PTPN13: variants seen among roughly 807,000 people sequenced by gnomAD.
The protein encoded by PTPN13 is protein tyrosine phosphatase non-receptor type 13.
Under a neutral mutation model 284.0 loss-of-function variants are expected in PTPN13, and 191 were observed. The ratio of observed to expected loss-of-function variants is 0.67; its 90% CI spans 0.60 to 0.76. The LOEUF is 0.76. Ranked by LOEUF, PTPN13 falls within the 30% of genes least tolerant of loss-of-function variation. The pLI is 0.00. For synonymous variants in PTPN13, 986 were observed against 1,022.3 expected (o/e 0.96, Z 0.68); for missense variants, 2,797 against 2,939.9 (o/e 0.95, Z 1.12).
At chr4:86,662,204 C>G (rs1726575965) in intron 2 of PTPN13, among the ~76,000 whole-genome samples, 1 of 152,136 alleles carries the variant, frequency 6.6e-6, no homozygotes. Flanking sequence ...ATTGCTTTGA[C>G]AAAATTGTTA....
At chr4:86,633,688 G>A (rs1233304591) in intron 1 of PTPN13, among the ~76,000 whole-genome samples, 2 of 152,054 alleles carry the variant, frequency 1.3e-5, no homozygotes, top group African/African-American at 4.8e-5. Context: ...AAGTCATGTT[G>A]GTATCTGATT....
In PTPN13 at chr4:86,750,597, A is replaced by T. The variant is rs10516781; in HGVS notation, c.2778A>T (p.Ser926=). The change falls in exon 18 of 48, where the codon TCA becomes TCT. Residue 926 remains serine, a synonymous_variant. Transcript: ENST00000411767. ...ACAAACTTGCTGTTCGACCTTTATC[A>T]GTTCAAGCTGAGATTCTGAAGAGGC... ...TLNKLAVRPL[S]VQAEILKRLS... 1.2e-6 allele frequency: 2 copies of T among 1,613,928 alleles called. No homozygotes were observed. The highest frequency in any genetic ancestry group is 1.7e-6 in the Non-Finnish European group (2 of 1,179,884).
intron 23 of PTPN13, among the ~76,000 whole-genome samples, chr4:86,762,098 G>C (rs565779054): frequency 6.6e-6 from 1 of 152,064 alleles, no homozygotes; most frequent in Non-Finnish European, 1.5e-5. Flanking sequence ...TCAGCCTCCC[G>C]AGCAGCTGGG....
Position 86,803,698 on chromosome 4 carries a change from C to G in PTPN13, c.6506-11C>G. On this transcript the variant is annotated splice_polypyrimidine_tract_variant and intron_variant, in intron 42 of 47. Transcript: ENST00000411767. ...GGAGGAACTGTTTTTAAATTGCTGT[C>G]TTCCTATTAGATCATTCCTTTCTGA... The G allele has an allele frequency of 6.2e-7, 1 of 1,612,738 alleles. No homozygotes were observed. Among genetic ancestry groups the G allele is most frequent in the Non-Finnish European group, 8.5e-7 (1 of 1,179,026 alleles).
chr4:86,729,265 C>G (rs1265015742), intron 10 of PTPN13, among the ~76,000 whole-genome samples: 4 of 149,318 alleles, frequency 2.7e-5, no homozygotes, highest in African/African-American at 9.8e-5. Flanking sequence ...CTCTGGCTGC[C>G]CTTACCATTT....
rs1578274014 is a variant in PTPN13 at position 86,623,908 on chromosome 4, T to C, written c.-5-11344T>C. On this transcript the variant is annotated intron_variant, in intron 1 of 47. Coordinates refer to ENST00000411767, the MANE Select transcript of PTPN13 (RefSeq NM_080683.3). ...TCACATTTATTACCATACGATATTCTAGTTATTGTACTTATTTATTGTCTG... is the reference window on the plus strand; with the variant it reads ...TCACATTTATTACCATACGATATTCCAGTTATTGTACTTATTTATTGTCTG... Among the ~76,000 whole-genome samples, 3 of 152,302 alleles carry C rather than the reference T, an allele frequency of 2.0e-5. No individual in the cohort carries two copies. The South Asian group carries it at 6.2e-4, about 32-fold the overall frequency.
At chr4:86,599,027 C>T (rs909993221) in intron 1 of PTPN13, among the ~76,000 whole-genome samples, 2 of 152,156 alleles carry the variant, frequency 1.3e-5, no homozygotes, top group South Asian at 4.1e-4. Context: ...TCCCAAAGCA[C>T]GGGGATTACA....
intron 35 of PTPN13, 76 bp downstream of exon 35, chr4:86,775,728 GAA>G: frequency 8.9e-7 from 1 of 1,129,230 alleles, no homozygotes; most frequent in Non-Finnish European, 1.3e-6. Flanking sequence ...TTCATTCTCT[GAA>G]AATATATTAC....
At chr4:86,780,532 T>C (rs1741183965) in intron 36 of PTPN13, 60 bp downstream of exon 36, 1 of 1,144,034 alleles carries the variant, frequency 8.7e-7, no homozygotes, top group Non-Finnish European at 1.3e-6. Flanking sequence ...AAATGGCACA[T>C]CCATTTTGGA....
chr4:86,738,216 G>A (rs1342023604), intron 15 of PTPN13, among the ~76,000 whole-genome samples: 2 of 151,946 alleles, frequency 1.3e-5, no homozygotes, highest in South Asian at 2.1e-4. Context: ...TATTTCTCCT[G>A]AGTAAATATC....
chr4:86,688,177 G>A (rs1425020899), intron 4 of PTPN13, among the ~76,000 whole-genome samples: 1 of 152,104 alleles, frequency 6.6e-6, no homozygotes, highest in South Asian at 2.1e-4. Context: ...CCTAAAGGAT[G>A]ATATATTAAT....
chr4:86,628,601 A>G lies in PTPN13; in HGVS notation c.-5-6651A>G, dbSNP rs541177199. On this transcript the variant is annotated intron_variant, in intron 1 of 47. Transcript: ENST00000411767. ...TGTGCCATGCTGGTGCGCTGCACCCACTAACGTGTCATCTAGCATTAGGTA... is the reference window on the plus strand; with the variant it reads ...TGTGCCATGCTGGTGCGCTGCACCCGCTAACGTGTCATCTAGCATTAGGTA... 1.7e-4 allele frequency among the ~76,000 whole-genome samples: 23 copies of G among 132,668 alleles called. 2 individuals carry two copies. The East Asian group carries it at 2.8e-3, about 16-fold the overall frequency. 87.0% of individuals were successfully genotyped at this position (132,668 alleles called of 152,430 possible).
intron 7 of PTPN13, among the ~76,000 whole-genome samples, chr4:86,706,273 C>G (rs1465257460): frequency 1.3e-5 from 2 of 152,210 alleles, no homozygotes; most frequent in Admixed American, 1.3e-4. Flanking sequence ...TTCTTCCACT[C>G]TGCTGTCCTG....
rs767090024 is a variant in PTPN13, at chr4:86,771,386, G to A, written c.5019G>A (p.Ser1673=). 1.7e-5 allele frequency: 26 copies of A among 1,570,522 alleles called. No homozygotes were observed. The African/African-American group carries it at 2.4e-4, about 15-fold the overall frequency. The part of the protein sequence containing the change: ...LVTAPANISN[S]TWSSALHQTL... The stretch of plus-strand genomic sequence containing the variant: ...CAGCTCCAGCAAACATATCAAATTC[G>A]ACCTGGAGTTCAGCTTTGCATCAGA... The change falls in exon 31 of 48, where the codon TCG becomes TCA. Residue 1673 remains serine (S), a synonymous_variant. Coordinates refer to ENST00000411767, the MANE Select transcript of PTPN13 (RefSeq NM_080683.3).
chr4:86,714,689 A>G (rs1342193224), intron 7 of PTPN13, among the ~76,000 whole-genome samples: 1 of 152,168 alleles, frequency 6.6e-6, no homozygotes, highest in Non-Finnish European at 1.5e-5. Context: ...TGCAATGAAA[A>G]TAGTTGTCTT....
chr4:86,636,397 A>G (rs1448961020), intron 2 of PTPN13, among the ~76,000 whole-genome samples: 1 of 144,572 alleles, frequency 6.9e-6, no homozygotes, highest in Non-Finnish European at 1.6e-5. Flanking sequence ...TTTGCCATTC[A>G]TAGCACCTGA....
In PTPN13 at chr4:86,713,502, TAA is replaced by T. The variant is rs571656316; in HGVS notation, c.1196-3027_1196-3026del. On this transcript the variant is annotated intron_variant, in intron 7 of 47. Transcript: ENST00000411767. ...TTATTTTAAATTGTTTATTTTATCA[TAA>T]GACTTTCCTGTGGTAGGATGCAATC... 5.9e-5 allele frequency among the ~76,000 whole-genome samples: 9 copies of T among 152,182 alleles called. No individual in the cohort carries two copies. The East Asian group carries it at 1.7e-3, about 29-fold the overall frequency.
At position 86,721,722 on chromosome 4, in the gene PTPN13, TCCCCTTC is replaced by T. The variant is rs1236077295; in HGVS notation, c.1386-472_1386-466del. ...CGCTCCCTCCCCCTCTCCCTCCCCC[TCCCCTTC>T]CCCCTTCCCCCTTCCCCTCTTTTCT... On this transcript the variant is annotated intron_variant, in intron 9 of 47. Transcript: ENST00000411767. Among the ~76,000 whole-genome samples, 299 of 33,354 alleles carry T rather than the reference TCCCCTTC, an allele frequency of 9.0e-3. 3 individuals carry two copies. Among genetic ancestry groups the T allele is most frequent in the African/African-American group, 0.029 (285 of 9,920 alleles). 21.9% of individuals were successfully genotyped at this position (33,354 alleles called of 152,430 possible). A position where few individuals can be genotyped will look rare whatever the true frequency, so the allele number is the denominator to read the frequency against.
chr4:86,654,022 G>A (rs139440154), intron 2 of PTPN13, among the ~76,000 whole-genome samples: 44 of 152,242 alleles, frequency 2.9e-4, no homozygotes, highest in African/African-American at 9.4e-4. Flanking sequence ...ATTTAAAGCA[G>A]TGTGTAGAGG....
Sources: gnomAD v4.1 joint callset for allele counts (sites outside exome capture counted in the v4.1 genomes callset) on GRCh38, gnomAD v4.1.1 for gene constraint, MANE v1.5 for transcripts, NCBI Gene and HGNC (gene_info 2026-07-23, HGNC 2026-07-21) for gene names.